Variants in PCDH15 observed in about 807,000 individuals in gnomAD.
PCDH15 encodes the protein protocadherin related 15.
Under a neutral mutation model 178.5 loss-of-function variants are expected in PCDH15, and 129 were observed. The ratio of observed to expected loss-of-function variants is 0.72; its 90% CI spans 0.63 to 0.84. The LOEUF (loss-of-function observed/expected upper bound fraction) is 0.84. Among genes scored for constraint, PCDH15 ranks in the 40% least tolerant of loss-of-function variants. PCDH15 has a pLI of 0.00. For missense variants in PCDH15, 2,230 were observed against 2,099.9 expected (o/e 1.06, Z -1.21); for synonymous variants, 800 against 732.0 (o/e 1.09, Z -1.50).
intron 21 of PCDH15, among the ~76,000 whole-genome samples, chr10:53,963,590 C>T (rs1296389245): frequency 6.6e-6 from 1 of 152,146 alleles, no homozygotes; most frequent in Non-Finnish European, 1.5e-5. Context: ...CAAACTAGTA[C>T]ACATAATTGT....
intron 11 of PCDH15, among the ~76,000 whole-genome samples, chr10:54,193,929 T>C (rs796097598): frequency 6.6e-6 from 1 of 151,926 alleles, no homozygotes. Flanking sequence ...CTATCATGTT[T>C]GTTGTGAGAT....
intron 2 of PCDH15, among the ~76,000 whole-genome samples, chr10:54,653,643 C>T (rs770916584): frequency 3.3e-5 from 5 of 152,100 alleles, no homozygotes; most frequent in African/African-American, 9.7e-5. Flanking sequence ...TAACCTTGTG[C>T]GATTGGGGTC....
At chr10:54,680,799 G>A (rs1046606992) in intron 1 of PCDH15, among the ~76,000 whole-genome samples, 2 of 152,170 alleles carry the variant, frequency 1.3e-5, no homozygotes, top group Admixed American at 6.5e-5. Flanking sequence ...CCCCAGCCAT[G>A]TGGAACTGTG....
intron 2 of PCDH15, among the ~76,000 whole-genome samples, chr10:54,595,183 T>C (rs1317416869): frequency 3.3e-5 from 5 of 152,168 alleles, no homozygotes; most frequent in Non-Finnish European, 7.3e-5. Context: ...TACAAAATGC[T>C]TTGGCTGGGA....
intron 2 of PCDH15, among the ~76,000 whole-genome samples, chr10:54,950,023 T>C (rs1169416766): frequency 6.6e-6 from 1 of 152,130 alleles, no homozygotes; most frequent in East Asian, 1.9e-4. Context: ...CTCTGCCTCT[T>C]ACCAAGTTCC....
intron 2 of PCDH15, among the ~76,000 whole-genome samples, chr10:55,417,394 C>T (rs1387528691): frequency 1.3e-5 from 2 of 151,416 alleles, no homozygotes; most frequent in African/African-American, 2.4e-5. Flanking sequence ...GTGCTTAGGA[C>T]TCAAAAGCAT....
intron 15 of PCDH15, among the ~76,000 whole-genome samples, chr10:54,114,966 G>T (rs900334461): frequency 6.6e-6 from 1 of 152,154 alleles, no homozygotes; most frequent in Non-Finnish European, 1.5e-5. Context: ...AAAATGTGAA[G>T]TCATTTTAGG....
chr10:54,842,341 G>A (rs1953434501), intron 3 of PCDH15, among the ~76,000 whole-genome samples: 1 of 151,652 alleles, frequency 6.6e-6, no homozygotes. Flanking sequence ...CATATCTTTT[G>A]TTAATGTCTC....
chr10:53,956,669 T>C (rs1297150575), intron 23 of PCDH15, among the ~76,000 whole-genome samples: 1 of 152,140 alleles, frequency 6.6e-6, no homozygotes, highest in Non-Finnish European at 1.5e-5. Context: ...TAATACACAG[T>C]AGGATGCAAC....
intron 2 of PCDH15, among the ~76,000 whole-genome samples, chr10:54,626,095 G>C (rs1023355825): frequency 6.6e-6 from 1 of 152,126 alleles, no homozygotes. Flanking sequence ...AGATGATTTA[G>C]GGATATGTGG....
intron 2 of PCDH15, among the ~76,000 whole-genome samples, chr10:55,518,157 T>C (rs1841066050): frequency 6.6e-6 from 1 of 152,134 alleles, no homozygotes; most frequent in Non-Finnish European, 1.5e-5. Context: ...ACTGTTGTAA[T>C]GTTTCACTTC....
At chr10:54,198,503 T>TTTTTTTTTC in intron 10 of PCDH15, among the ~76,000 whole-genome samples, 1 of 18,322 alleles carries the variant, frequency 5.5e-5, no homozygotes, top group African/African-American at 8.4e-4. Context: ...TTCTTTTTTT[T>TTTTTTTTTC]TTTTTTTTTT....
At chr10:54,221,016 C>T (rs1053342141) in intron 9 of PCDH15, among the ~76,000 whole-genome samples, 1 of 151,382 alleles carries the variant, frequency 6.6e-6, no homozygotes, top group African/African-American at 2.4e-5. Context: ...TTACAGTCAA[C>T]CTAAAGCTGT....
chr10:55,621,188 T>C (rs1280657982), intron 2 of PCDH15, among the ~76,000 whole-genome samples: 2 of 152,328 alleles, frequency 1.3e-5, no homozygotes, highest in South Asian at 2.1e-4. Flanking sequence ...ATTTAACTTA[T>C]ATGTTTTAGC....
In PCDH15 at chr10:53,810,621, G is replaced by A. The variant is rs1449626348; in HGVS notation, c.4606C>T (p.Pro1536Ser). The A allele has an allele frequency of 6.2e-7, 1 of 1,613,782 alleles. No individual in the cohort carries two copies. The highest frequency in any genetic ancestry group is 8.5e-7 in the Non-Finnish European group (1 of 1,179,792). ...QYGSRRRLLP[P>S]AGQEEYGEVV... ...TCACCATATTCCTCCTGTCCAGCTGGTGGTAACAATCGACGGCGACTCCCA... is the reference window on the plus strand; with the variant it reads ...TCACCATATTCCTCCTGTCCAGCTGATGGTAACAATCGACGGCGACTCCCA... The change falls in exon 37 of 38, where the codon CCA (proline) becomes TCA (serine). Residue 1536 changes from proline to serine, a missense_variant. Physicochemically the swap from Pro to Ser is moderately conservative, Grantham distance 74 (BLOSUM62 -1). Coordinates refer to ENST00000644397, the MANE Select transcript of PCDH15 (RefSeq NM_001384140.1).
At chr10:55,024,709 T>G (rs1019230414) in intron 2 of PCDH15, among the ~76,000 whole-genome samples, 3 of 152,126 alleles carry the variant, frequency 2.0e-5, no homozygotes, top group African/African-American at 4.8e-5. Flanking sequence ...TACTTCCTTA[T>G]ATTCTTGAAA....
chr10:55,328,377 T>C (rs1034250129), intron 2 of PCDH15, among the ~76,000 whole-genome samples: 6 of 151,880 alleles, frequency 4.0e-5, no homozygotes, highest in Admixed American at 3.9e-4. Context: ...CACATGTATA[T>C]GGTCTAGTCT....
intron 35 of PCDH15, among the ~76,000 whole-genome samples, chr10:53,813,117 A>C (rs577170600): frequency 1.3e-5 from 2 of 150,804 alleles, no homozygotes; most frequent in East Asian, 3.9e-4. Context: ...CACTAGGATC[A>C]TATTTTTACA....
chr10:54,103,631 T>C (rs558383663), intron 15 of PCDH15, among the ~76,000 whole-genome samples: 98 of 152,242 alleles, frequency 6.4e-4, no homozygotes, highest in African/African-American at 2.3e-3. Flanking sequence ...CATCCCAAAC[T>C]CCCTAAGCCT....
Sources: allele counts gnomAD v4.1 joint callset (sites outside exome capture counted in the v4.1 genomes callset), GRCh38; gene constraint gnomAD v4.1.1; transcripts MANE v1.5; gene names NCBI Gene and HGNC (gene_info 2026-07-23, HGNC 2026-07-21).